Variants in ECHDC1 observed in about 807,000 individuals in gnomAD.
The protein encoded by ECHDC1 is ethylmalonyl-CoA decarboxylase.
ECHDC1 carries 29 observed loss-of-function variants against 29.7 expected under a neutral mutation model. That is an observed-to-expected ratio of 0.98 (90% CI 0.73 to 1.33). The LOEUF (loss-of-function observed/expected upper bound fraction) is 1.33. ECHDC1 is among the 40% of genes most tolerant of loss of function. The pLI, the probability that ECHDC1 is intolerant of heterozygous loss-of-function variation, is 0.00. For synonymous variants in ECHDC1, 126 were observed against 123.1 expected (o/e 1.02, Z -0.15); for missense variants, 328 against 350.0 (o/e 0.94, Z 0.50).
rs144691765 is a variant in ECHDC1, at chr6:127,291,248, C to G, written c.498-971G>C. 1.8e-4 allele frequency among the ~76,000 whole-genome samples: 26 copies of G among 145,168 alleles called. No individual in the cohort carries two copies. In the East Asian group the frequency reaches 3.8e-3, roughly 21 times the overall value. ...CTCTAGTTGCCATGTGCATGAAGAG[C>G]TTATTTAGCATTTCAAAGCTCTTAT... is the stretch of plus-strand genomic sequence containing the variant. On this transcript the variant is annotated intron_variant, in intron 5 of 5. Transcript: ENST00000454859.
intron 5 of ECHDC1, among the ~76,000 whole-genome samples, chr6:127,300,493 T>C (rs1293679024): frequency 1.3e-5 from 2 of 152,188 alleles, no homozygotes; most frequent in Non-Finnish European, 2.9e-5. Flanking sequence ...CAGAGAAATG[T>C]TTCCAGCTGT....
intron 5 of ECHDC1, among the ~76,000 whole-genome samples, chr6:127,293,661 T>A (rs1384309792): frequency 6.6e-6 from 1 of 152,202 alleles, no homozygotes; most frequent in Admixed American, 6.5e-5. Flanking sequence ...CTCAAACACA[T>A]CTACAAGAGA....
intron 3 of ECHDC1, chr6:127,318,012 C>A (rs2114630519): frequency 6.6e-6 from 1 of 152,270 alleles, no homozygotes; most frequent in East Asian, 1.9e-4. Flanking sequence ...TATTTAATTT[C>A]TTTTTCCTCT....
intron 5 of ECHDC1, among the ~76,000 whole-genome samples, chr6:127,297,740 A>G (rs1189898031): frequency 1.3e-5 from 2 of 152,204 alleles, no homozygotes; most frequent in Non-Finnish European, 2.9e-5. Flanking sequence ...TGCTTACCCA[A>G]GACATACCCA....
chr6:127,326,518 A>G, intron 3 of ECHDC1: 1 of 454,954 alleles, frequency 2.2e-6, no homozygotes. Context: ...AGATGTTAAT[A>G]AAAGGGGAAA....
At chr6:127,339,932 A>G (rs1784776720) in intron 1 of ECHDC1, among the ~76,000 whole-genome samples, 1 of 152,200 alleles carries the variant, frequency 6.6e-6, no homozygotes, top group African/African-American at 2.4e-5. Flanking sequence ...CAGCTTGCCA[A>G]AGAGCCACAC....
intron 5 of ECHDC1, among the ~76,000 whole-genome samples, chr6:127,297,795 AG>A (rs1308180501): frequency 6.6e-6 from 1 of 152,206 alleles, no homozygotes; most frequent in African/African-American, 2.4e-5. Flanking sequence ...TACAGAGATG[AG>A]GGGAGTTTCT....
intron 3 of ECHDC1, among the ~76,000 whole-genome samples, chr6:127,326,002 T>C (rs1783297077): frequency 1.3e-5 from 2 of 152,128 alleles, no homozygotes; most frequent in South Asian, 2.1e-4. Flanking sequence ...CATGCTAAAA[T>C]AGGTTTCACT....
chr6:127,315,021 AAC>A, intron 4 of ECHDC1, 125 bp from the exon 5 acceptor site: 1 of 837,856 alleles, frequency 1.2e-6, no homozygotes, highest in South Asian at 1.4e-5. Context: ...CATAAAAACA[AAC>A]ACACATCAAA....
chr6:127,307,364 C>T (rs561444299), intron 5 of ECHDC1, among the ~76,000 whole-genome samples: 2 of 152,256 alleles, frequency 1.3e-5, no homozygotes, highest in Admixed American at 6.5e-5. Flanking sequence ...GGCATGGTGG[C>T]TCACGCCTGT....
chr6:127,316,176 T>C lies in ECHDC1; in HGVS notation c.416+274A>G, dbSNP rs1782355908. 3 of 460,926 alleles carry C rather than the reference T, an allele frequency of 6.5e-6. No homozygotes were observed. The Admixed American group carries it at 9.0e-5, about 14-fold the overall frequency. 28.6% of individuals were successfully genotyped at this position (460,926 alleles called of 1,614,324 possible). Reference sequence around the variant, plus strand: ...ACCAGTATTTAACTTTCCCAGTATCTATTCCTAAATACAGCTAGTTATATA... The same window carrying C: ...ACCAGTATTTAACTTTCCCAGTATCCATTCCTAAATACAGCTAGTTATATA... On this transcript the variant is annotated intron_variant, in intron 4 of 5. Coordinates refer to ENST00000454859, the MANE Select transcript of ECHDC1 (RefSeq NM_001002030.2).
intron 3 of ECHDC1, among the ~76,000 whole-genome samples, chr6:127,320,508 G>A (rs147810304): frequency 5.1e-4 from 77 of 152,196 alleles, no homozygotes; most frequent in African/African-American, 1.8e-3. Flanking sequence ...AGAACAGAAA[G>A]GTTTCTAAAT....
At chr6:127,299,521 AAAAG>A (rs1180962265) in intron 5 of ECHDC1, among the ~76,000 whole-genome samples, 6 of 151,990 alleles carry the variant, frequency 3.9e-5, no homozygotes, top group African/African-American at 7.2e-5. Flanking sequence ...AGGATATAAA[AAAAG>A]AAAATACTTT....
chr6:127,339,268 A>G (rs1026152632), intron 1 of ECHDC1, among the ~76,000 whole-genome samples: 1 of 149,270 alleles, frequency 6.7e-6, no homozygotes, highest in Non-Finnish European at 1.5e-5. Context: ...ACCAGAAAAC[A>G]TAACAGAAAG....
intron 5 of ECHDC1, among the ~76,000 whole-genome samples, chr6:127,304,338 C>T (rs181728803): frequency 5.9e-4 from 90 of 152,250 alleles, no homozygotes; most frequent in African/African-American, 1.8e-3. Context: ...CAGAGCATTA[C>T]GGGGCTTCGG....
chr6:127,314,476 T>G (rs986870226), intron 5 of ECHDC1, among the ~76,000 whole-genome samples: 1 of 152,146 alleles, frequency 6.6e-6, no homozygotes, highest in Non-Finnish European at 1.5e-5. Context: ...TTTTCTTTTT[T>G]AATGTTGCTT....
chr6:127,301,809 C>T (rs773891995), intron 5 of ECHDC1, among the ~76,000 whole-genome samples: 3 of 152,150 alleles, frequency 2.0e-5, no homozygotes, highest in African/African-American at 7.2e-5. Flanking sequence ...ACTTTCTAAT[C>T]GATTGCAGAC....
At chr6:127,311,611 T>C (rs146730347) in intron 5 of ECHDC1, among the ~76,000 whole-genome samples, 3,347 of 136,376 alleles carry the variant, frequency 0.025, 62 homozygotes, top group East Asian at 0.1. Flanking sequence ...GAGGTGGAGG[T>C]TGCAGTGAGC....
chr6:127,290,343 C>T (rs767908267), intron 5 of ECHDC1, 66 bp from the exon 6 acceptor site: 2 of 1,481,378 alleles, frequency 1.4e-6, no homozygotes, highest in Non-Finnish European at 9.1e-7. Context: ...AAAGTACTAT[C>T]CATTCATGAT....
Sources: allele counts gnomAD v4.1 joint callset (sites outside exome capture counted in the v4.1 genomes callset), GRCh38; gene constraint gnomAD v4.1.1; transcripts MANE v1.5; gene names NCBI Gene and HGNC (gene_info 2026-07-23, HGNC 2026-07-21).